KCNK12: variants seen among roughly 807,000 people sequenced by gnomAD.
KCNK12 encodes the protein potassium channel subfamily K member 12.
KCNK12 carries 6 observed loss-of-function variants against 25.3 expected under a neutral mutation model. That is an observed-to-expected ratio of 0.24 (90% CI 0.13 to 0.47). The LOEUF (loss-of-function observed/expected upper bound fraction) is 0.47. Among genes scored for constraint, KCNK12 ranks in the 20% least tolerant of loss-of-function variants. The pLI is 0.99. For missense variants in KCNK12, 444 were observed against 661.7 expected (o/e 0.67, Z 3.61); for synonymous variants, 331 against 311.1 (o/e 1.06, Z -0.67).
At chr2:47,539,006 A>G (rs1215444601) in intron 1 of KCNK12, among the ~76,000 whole-genome samples, 1 of 152,246 alleles carries the variant, frequency 6.6e-6, no homozygotes, top group African/African-American at 2.4e-5. Flanking sequence ...GCAGAGTCTC[A>G]TGCAATTTTA....
chr2:47,534,042 G>T (rs1668995977), intron 1 of KCNK12, among the ~76,000 whole-genome samples: 1 of 152,040 alleles, frequency 6.6e-6, no homozygotes, highest in Non-Finnish European at 1.5e-5. Flanking sequence ...ACAACAAGAT[G>T]GGAGGCGGGG....
chr2:47,521,862 T>TGGG, intron 1 of KCNK12, 54 bp from the exon 2 acceptor site: 1 of 444,072 alleles, frequency 2.3e-6, no homozygotes, highest in Non-Finnish European at 3.0e-6. Flanking sequence ...TGGTCCTCAC[T>TGGG]GGGCGAGGGT....
At chr2:47,552,834 C>T (rs181769969) in intron 1 of KCNK12, among the ~76,000 whole-genome samples, 90 of 152,208 alleles carry the variant, frequency 5.9e-4, no homozygotes, top group African/African-American at 2.1e-3. Context: ...CTAGATCTTC[C>T]TGTGTGGGCA....
rs1007525663 is a variant in KCNK12 at position 47,547,628 on chromosome 2, C to T, written c.391+22313G>A. The stretch of plus-strand genomic sequence containing the variant: ...TTTATTTACTTTTGAGATGGAGTCT[C>T]ATTCTGTCACCCAGGCTGGAGTGCA... On this transcript the variant is annotated intron_variant, in intron 1 of 1. Coordinates refer to ENST00000327876, the MANE Select transcript of KCNK12 (RefSeq NM_022055.2). This position sits in a 1 kb window ranked among gnomAD's most constrained non-coding sequence, Gnocchi z 5.0. 2.0e-5 allele frequency among the ~76,000 whole-genome samples: 3 copies of T among 152,020 alleles called. No individual in the cohort carries two copies. Among genetic ancestry groups the T allele is most frequent in the Non-Finnish European group, 4.4e-5 (3 of 67,946 alleles).
intron 1 of KCNK12, among the ~76,000 whole-genome samples, chr2:47,536,413 C>T (rs1017792404): frequency 6.6e-6 from 1 of 152,214 alleles, no homozygotes; most frequent in African/African-American, 2.4e-5. Context: ...AATGCAGGTC[C>T]TCAGGGAGCA....
At position 47,514,601 on chromosome 2, in the gene KCNK12, T is replaced by C. The variant is rs1668479979; in HGVS notation, c.*6306A>G. ...ATAAAGTTCTTTTTTCTTTTCTTCC[T>C]TTTTCTTTTTTTTTTTTCTTTCTTT... is the stretch of plus-strand genomic sequence containing the variant. On this transcript the variant is annotated 3_prime_UTR_variant, in exon 2 of 2. Transcript: ENST00000327876. This position sits in a 1 kb window ranked among gnomAD's most constrained non-coding sequence, Gnocchi z 5.0. Among the ~76,000 whole-genome samples, 1 of 151,742 alleles carries C rather than the reference T, an allele frequency of 6.6e-6. No homozygotes were observed. The highest frequency in any genetic ancestry group is 2.4e-5 in the African/African-American group (1 of 41,364).
At chr2:47,531,218 A>C (rs1044383977) in intron 1 of KCNK12, among the ~76,000 whole-genome samples, 9 of 152,196 alleles carry the variant, frequency 5.9e-5, no homozygotes, top group Admixed American at 2.0e-4. Context: ...CACACCTGTA[A>C]TCCCAGCACT....
chr2:47,533,934 C>T lies in KCNK12; in HGVS notation c.392-12126G>A, dbSNP rs201227981. Among the ~76,000 whole-genome samples, 2 of 151,966 alleles carry T rather than the reference C, an allele frequency of 1.3e-5. No individual in the cohort carries two copies. Among genetic ancestry groups the T allele is most frequent in the African/African-American group, 4.8e-5 (2 of 41,352 alleles). On this transcript the variant is annotated intron_variant, in intron 1 of 1. Transcript: ENST00000327876. The surrounding 1 kb of genome is among the most constrained non-coding windows in gnomAD (Gnocchi z 4.7). ...CGCAGTGATCCGGACAGAGAGGCTC[C>T]AGTCAGCCAGGCACAGAGAAAATGG...
chr2:47,541,584 C>T (rs1191028434), intron 1 of KCNK12, among the ~76,000 whole-genome samples: 3 of 152,030 alleles, frequency 2.0e-5, no homozygotes, highest in African/African-American at 7.3e-5. Flanking sequence ...CGTAACACTC[C>T]AGTACCTCAG....
In KCNK12 at chr2:47,525,961, G is replaced by A. The variant is rs79847238; in HGVS notation, c.392-4153C>T. On this transcript the variant is annotated intron_variant, in intron 1 of 1. Transcript: ENST00000327876. This position sits in a 1 kb window ranked among gnomAD's most constrained non-coding sequence, Gnocchi z 4.1. ...ATCACCCCCATGCCCCATCCACTGCGGGTCCCCTGAGCCATGTGTCAGCCC... is the reference window on the plus strand; with the variant it reads ...ATCACCCCCATGCCCCATCCACTGCAGGTCCCCTGAGCCATGTGTCAGCCC... Among the ~76,000 whole-genome samples the A allele has an allele frequency of 8.9e-3, 1,350 of 152,298 alleles. 20 individuals are homozygous for A. Among genetic ancestry groups the A allele is most frequent in the African/African-American group, 0.031 (1,269 of 41,562 alleles).
At position 47,514,340 on chromosome 2, in the gene KCNK12, G is replaced by GC. The variant is rs956509033; in HGVS notation, c.*6566dup. 6.6e-6 allele frequency among the ~76,000 whole-genome samples: 1 copy of GC among 152,214 alleles called. No homozygotes were observed. The highest frequency in any genetic ancestry group is 1.5e-5 in the Non-Finnish European group (1 of 68,028). On this transcript the variant is annotated 3_prime_UTR_variant, in exon 2 of 2. Coordinates refer to ENST00000327876, the MANE Select transcript of KCNK12 (RefSeq NM_022055.2). This position sits in a 1 kb window ranked among gnomAD's most constrained non-coding sequence, Gnocchi z 5.0. ...TCAGCAGGCCGTACTGCAGCGCCCT[G>GC]CCCCCGTCAGCCTCCAGGAGCCTGG...
rs1669525838 is a variant in KCNK12 at position 47,555,155 on chromosome 2, C to G, written c.391+14786G>C. Among the ~76,000 whole-genome samples, 1 of 152,158 alleles carries G rather than the reference C, an allele frequency of 6.6e-6. No individual in the cohort carries two copies. The highest frequency in any genetic ancestry group is 6.5e-5 in the Admixed American group (1 of 15,274). Reference sequence around the variant, plus strand: ...CAAGTGGGCAGTTGGACCCATGGTTCTGAAGCTTAGTGTAGAAGATGGGTT... The same window carrying G: ...CAAGTGGGCAGTTGGACCCATGGTTGTGAAGCTTAGTGTAGAAGATGGGTT... On this transcript the variant is annotated intron_variant, in intron 1 of 1. Transcript: ENST00000327876. The surrounding 1 kb of genome is among the most constrained non-coding windows in gnomAD (Gnocchi z 4.5).
chr2:47,541,618 G>C (rs559700498), intron 1 of KCNK12, among the ~76,000 whole-genome samples: 19 of 152,204 alleles, frequency 1.2e-4, no homozygotes, highest in East Asian at 5.8e-4. Context: ...TGGTAGAAAG[G>C]CTTTTTAAAA....
chr2:47,543,235 C>A (rs573820843), intron 1 of KCNK12: 1 of 152,282 alleles, frequency 6.6e-6, no homozygotes, highest in Non-Finnish European at 1.5e-5. Context: ...ACAACCACCA[C>A]CACAACAAGC....
chr2:47,561,406 C>G (rs1669666428), intron 1 of KCNK12, among the ~76,000 whole-genome samples: 1 of 152,178 alleles, frequency 6.6e-6, no homozygotes. Context: ...TCAAAAGTAC[C>G]CTTCCAGGCT....
chr2:47,534,037 A>G lies in KCNK12; in HGVS notation c.392-12229T>C, dbSNP rs74652521. Among the ~76,000 whole-genome samples the G allele has an allele frequency of 5.0e-3, 756 of 152,050 alleles. 9 individuals are homozygous for G. Among genetic ancestry groups the G allele is most frequent in the African/African-American group, 0.017 (718 of 41,428 alleles). ...GTGACTTTCTTCATTTGATGACAACAAGATGGGAGGCGGGGACAGCTGAGG... is the reference window on the plus strand; with the variant it reads ...GTGACTTTCTTCATTTGATGACAACGAGATGGGAGGCGGGGACAGCTGAGG... On this transcript the variant is annotated intron_variant, in intron 1 of 1. Transcript: ENST00000327876.
chr2:47,512,259 C>T lies in KCNK12; in HGVS notation c.*8648G>A. 1 of 1,607,106 alleles carries T rather than the reference C, an allele frequency of 6.2e-7. No homozygotes were observed. The highest frequency in any genetic ancestry group is 2.2e-5 in the East Asian group (1 of 44,810). On this transcript the variant is annotated 3_prime_UTR_variant, in exon 2 of 2. Coordinates refer to ENST00000327876, the MANE Select transcript of KCNK12 (RefSeq NM_022055.2). ...TGAGTATCGTTCTTGATGGAAATCC[C>T]CGTGGAACTCCTACATTTTCTCCTC...
At position 47,570,911 on chromosome 2, in the gene KCNK12, C is replaced by G. The variant is rs1365842775; in HGVS notation, c.-580G>C. The G allele has an allele frequency of 6.6e-6, 1 of 152,142 alleles. No individual in the cohort carries two copies. Among genetic ancestry groups the G allele is most frequent in the African/African-American group, 2.4e-5 (1 of 41,430 alleles). The allele number at this position is 152,142 out of a possible 1,614,324, so 9.4% of individuals were successfully genotyped here. ...GGCGTCGGCTTCAGAGCCTCGGAGCCGAGCCGAGTCCGGGGAAGCGCTCCT... is the reference window on the plus strand; with the variant it reads ...GGCGTCGGCTTCAGAGCCTCGGAGCGGAGCCGAGTCCGGGGAAGCGCTCCT... On this transcript the variant is annotated 5_prime_UTR_variant, in exon 1 of 2. Transcript: ENST00000327876.
At position 47,515,428 on chromosome 2, in the gene KCNK12, A is replaced by C. The variant is rs1262776092; in HGVS notation, c.*5479T>G. ...GGTCATCGCCAAAATCTGATTTTTT[A>C]CACAAAAAATTTGCAACCTCCAGCA... is the stretch of plus-strand genomic sequence containing the variant. On this transcript the variant is annotated 3_prime_UTR_variant, in exon 2 of 2. Transcript: ENST00000327876. Among the ~76,000 whole-genome samples the C allele has an allele frequency of 6.6e-6, 1 of 152,244 alleles. No homozygotes were observed. The highest frequency in any genetic ancestry group is 1.9e-4 in the East Asian group (1 of 5,202).
Sources: gnomAD v4.1 joint callset for allele counts (sites outside exome capture counted in the v4.1 genomes callset) on GRCh38, gnomAD v4.1.1 for gene constraint, Gnocchi (gnomAD v3.1) non-coding constraint, MANE v1.5 for transcripts, NCBI Gene and HGNC (gene_info 2026-07-23, HGNC 2026-07-21) for gene names.